The following SETD2 variants were observed in gnomAD, a reference collection of about 807,000 sequenced individuals.
SETD2 encodes histone-lysine N-methyltransferase SETD2.
A neutral mutation model predicts 242.1 loss-of-function variants in SETD2; 31 were observed. That is an observed-to-expected ratio of 0.13 (90% CI 0.10 to 0.17). The LOEUF (loss-of-function observed/expected upper bound fraction) is 0.17. Among genes scored for constraint, SETD2 ranks in the 10% least tolerant of loss-of-function variants. The probability of loss-of-function intolerance (pLI) is 1.00; values close to 1 mark genes in which losing one functional copy is unlikely to be tolerated. For missense variants in SETD2, 2,481 were observed against 3,046.3 expected (o/e 0.81, Z 4.37); for synonymous variants, 1,006 against 1,066.5 (o/e 0.94, Z 1.11).
intron 14 of SETD2, among the ~76,000 whole-genome samples, chr3:47,058,339 G>C (rs1157838891): frequency 6.7e-6 from 1 of 150,092 alleles, no homozygotes; most frequent in Non-Finnish European, 1.5e-5. Context: ...TACTCAGGAG[G>C]CTGAGGCAGG....
chr3:47,104,714 C>A (rs1372423672), intron 6 of SETD2, among the ~76,000 whole-genome samples: 3 of 152,148 alleles, frequency 2.0e-5, no homozygotes, highest in Non-Finnish European at 4.4e-5. Flanking sequence ...CTAACTGATA[C>A]TAAACAATAG....
At chr3:47,108,428 T>C (rs2042525187) in intron 5 of SETD2, among the ~76,000 whole-genome samples, 1 of 152,156 alleles carries the variant, frequency 6.6e-6, no homozygotes, top group Non-Finnish European at 1.5e-5. Flanking sequence ...AAGACAGAGT[T>C]TGGATAATGT....
In SETD2 at chr3:47,113,861, T is replaced by TAA; in HGVS notation, c.4715+13_4715+14dup. 1 of 1,604,272 alleles carries TAA rather than the reference T, an allele frequency of 6.2e-7. No homozygotes were observed. Among genetic ancestry groups the TAA allele is most frequent in the South Asian group, 1.1e-5 (1 of 89,882 alleles). Reference sequence around the variant, plus strand: ...CTCAAAAAAGGAAGTGAAAGGTAATTAAAAAAGAACTTACGAAGGAAGGTC... The same window carrying TAA: ...CTCAAAAAAGGAAGTGAAAGGTAATTAAAAAAAAGAACTTACGAAGGAAGGTC... On this transcript the variant is annotated intron_variant, in intron 5 of 20. Coordinates refer to ENST00000409792, the MANE Select transcript of SETD2 (RefSeq NM_014159.7).
At chr3:47,067,226 G>A in intron 12 of SETD2, 108 bp from the exon 13 acceptor site, 1 of 829,438 alleles carries the variant, frequency 1.2e-6, no homozygotes, top group South Asian at 1.5e-5. Flanking sequence ...GTAACAAGCT[G>A]GTACTTATTC....
chr3:47,134,095 T>A (rs1056074961), intron 1 of SETD2, among the ~76,000 whole-genome samples: 9 of 152,286 alleles, frequency 5.9e-5, no homozygotes, highest in African/African-American at 2.2e-4. Flanking sequence ...GGAACTCTTC[T>A]CAATTACTAA....
intron 15 of SETD2, among the ~76,000 whole-genome samples, chr3:47,056,095 TTTA>T (rs200013749): frequency 0.13 from 5,628 of 42,324 alleles, 201 homozygotes; most frequent in South Asian, 0.21. Context: ...AAACATGATT[TTTA>T]TTTATTTATT....
At position 47,048,410 on chromosome 3, in the gene SETD2, T is replaced by A. The variant is rs1274384284; in HGVS notation, c.6964-1789A>T. Among the ~76,000 whole-genome samples the A allele has an allele frequency of 2.0e-5, 3 of 151,942 alleles. No individual in the cohort carries two copies. The East Asian group carries it at 5.8e-4, about 29-fold the overall frequency. ...TCTCAAAAAAACAAAATTTAAATGGTACACCTGTATAGGGAACTAACTATA... is the reference window on the plus strand; with the variant it reads ...TCTCAAAAAAACAAAATTTAAATGGAACACCTGTATAGGGAACTAACTATA... On this transcript the variant is annotated intron_variant, in intron 15 of 20. Coordinates refer to ENST00000409792, the MANE Select transcript of SETD2 (RefSeq NM_014159.7).
At chr3:47,093,098 G>A (rs1169347859) in intron 9 of SETD2, among the ~76,000 whole-genome samples, 1 of 152,008 alleles carries the variant, frequency 6.6e-6, no homozygotes, top group Non-Finnish European at 1.5e-5. Context: ...TGGGATACAT[G>A]TGCAAGAACA....
chr3:47,062,342 A>C lies in SETD2; in HGVS notation c.6114T>G (p.Thr2038=). The C allele has an allele frequency of 6.3e-7, 1 of 1,582,272 alleles. No individual in the cohort carries two copies. The highest frequency in any genetic ancestry group is 8.6e-7 in the Non-Finnish European group (1 of 1,168,470). The change falls in exon 14 of 21, where the codon ACT becomes ACG. Residue 2038 remains threonine (T), a synonymous_variant. Coordinates refer to ENST00000409792, the MANE Select transcript of SETD2 (RefSeq NM_014159.7). ...KSQTEKENTT[T]ERGRDAVGFR... ...AGCCAACAGCATCCCTTCCTCGTTC[A>C]GTTGCTAAGGGAAAAGGGTGGTTTG...
intron 12 of SETD2, among the ~76,000 whole-genome samples, chr3:47,073,047 G>A (rs1478563254): frequency 6.6e-6 from 1 of 151,814 alleles, no homozygotes; most frequent in Admixed American, 6.6e-5. Flanking sequence ...CCACTCAGGA[G>A]GTTGAGGCAG....
intron 19 of SETD2, among the ~76,000 whole-genome samples, chr3:47,018,833 C>T (rs1190781000): frequency 6.6e-6 from 1 of 152,228 alleles, no homozygotes; most frequent in Non-Finnish European, 1.5e-5. Flanking sequence ...CATCAGGCCA[C>T]TTACAACTCC....
At chr3:47,109,714 G>A (rs575230070) in intron 5 of SETD2, among the ~76,000 whole-genome samples, 91 of 152,190 alleles carry the variant, frequency 6.0e-4, no homozygotes, top group Non-Finnish European at 1.0e-3. Context: ...GGCCAGCCAC[G>A]GTGGCTTACC....
chr3:47,041,620 T>C (rs992645188), intron 17 of SETD2, among the ~76,000 whole-genome samples: 5 of 152,196 alleles, frequency 3.3e-5, no homozygotes, highest in Non-Finnish European at 7.3e-5. Context: ...TAAGATTATA[T>C]AGATGGGTGT....
At chr3:47,128,555 T>C (rs1277142141) in intron 1 of SETD2, among the ~76,000 whole-genome samples, 1 of 152,220 alleles carries the variant, frequency 6.6e-6, no homozygotes, top group African/African-American at 2.4e-5. Context: ...TTCGCCAGTG[T>C]CTGTGGTAGC....
At chr3:47,037,440 G>A (rs2039063075) in intron 18 of SETD2, among the ~76,000 whole-genome samples, 1 of 151,690 alleles carries the variant, frequency 6.6e-6, no homozygotes, top group African/African-American at 2.4e-5. Context: ...TTTCATCCAT[G>A]TCCCTACAAA....
intron 18 of SETD2, among the ~76,000 whole-genome samples, chr3:47,030,493 G>A (rs2038715551): frequency 6.6e-6 from 1 of 152,028 alleles, no homozygotes; most frequent in Admixed American, 6.6e-5. Flanking sequence ...CCCAGGAAAA[G>A]GGACAATGGT....
At chr3:47,035,238 C>A (rs2038946549) in intron 18 of SETD2, among the ~76,000 whole-genome samples, 1 of 152,168 alleles carries the variant, frequency 6.6e-6, no homozygotes, top group South Asian at 2.1e-4. Flanking sequence ...GCATTTTTAA[C>A]AGGTGGTGCC....
intron 1 of SETD2, among the ~76,000 whole-genome samples, chr3:47,131,916 T>C (rs980614540): frequency 6.6e-6 from 1 of 151,924 alleles, no homozygotes; most frequent in Non-Finnish European, 1.5e-5. Flanking sequence ...TAGCTGGGAC[T>C]ACAGGCGCGA....
intron 12 of SETD2, among the ~76,000 whole-genome samples, chr3:47,074,238 A>C (rs1342094094): frequency 6.6e-6 from 1 of 152,236 alleles, no homozygotes; most frequent in Non-Finnish European, 1.5e-5. Flanking sequence ...AAAATAAAAT[A>C]TATGCATAAT....
Sources: allele counts gnomAD v4.1 joint callset (sites outside exome capture counted in the v4.1 genomes callset), GRCh38; gene constraint gnomAD v4.1.1; transcripts MANE v1.5; gene names NCBI Gene and HGNC (gene_info 2026-07-23, HGNC 2026-07-21).